CLGN: variants seen among roughly 807,000 people sequenced by gnomAD.
The protein encoded by CLGN is testis tissue sperm-binding protein Li 79P.
A neutral mutation model predicts 79.1 loss-of-function variants in CLGN; 62 were observed. The observed-to-expected ratio is 0.78, with a 90% CI of 0.64 to 0.97. CLGN has a LOEUF of 0.97. Among genes scored for constraint, CLGN ranks in the 50% least tolerant of loss-of-function variants. The pLI, the probability that CLGN is intolerant of heterozygous loss-of-function variation, is 0.00. For missense variants in CLGN, 647 were observed against 715.5 expected, an observed-to-expected ratio of 0.90 and a Z score of 1.09; for synonymous variants, 225 against 224.7, an observed-to-expected ratio of 1.00 and a Z score of -0.01.
intron 8 of CLGN, among the ~76,000 whole-genome samples, chr4:140,398,001 G>A (rs2126618201): frequency 6.6e-6 from 1 of 152,252 alleles, no homozygotes; most frequent in South Asian, 2.1e-4. Context: ...ATTACAGAAA[G>A]ATAGAAATTT....
chr4:140,391,334 A>G (rs1728767788), intron 13 of CLGN, among the ~76,000 whole-genome samples: 1 of 151,818 alleles, frequency 6.6e-6, no homozygotes, highest in African/African-American at 2.4e-5. Context: ...GTACCTTTAT[A>G]CAAGCAGGCC....
rs1196108025 is a variant in CLGN, at chr4:140,388,654, C to G, written c.*570G>C. 1 of 151,796 alleles carries G rather than the reference C, an allele frequency of 6.6e-6. No individual in the cohort carries two copies. The highest frequency in any genetic ancestry group is 1.5e-5 in the Non-Finnish European group (1 of 67,802). 9.4% of individuals were successfully genotyped at this position (151,796 alleles called of 1,614,324 possible). On this transcript the variant is annotated 3_prime_UTR_variant, in exon 15 of 15. Transcript: ENST00000325617. The stretch of plus-strand genomic sequence containing the variant: ...CAATATAATCCAGTGATTTTATGAA[C>G]AAGGCATGTCCTTAAAGGAATCTAT...
chr4:140,409,291 C>T (rs1410489990), intron 4 of CLGN, among the ~76,000 whole-genome samples: 1 of 151,914 alleles, frequency 6.6e-6, no homozygotes, highest in African/African-American at 2.4e-5. Flanking sequence ...CTAGGGTAGT[C>T]CTATTAGGGA....
In CLGN at chr4:140,401,906, A is replaced by G. The variant is rs1442265619; in HGVS notation, c.501+79T>C. On this transcript the variant is annotated intron_variant, in intron 6 of 14. Transcript: ENST00000325617. Reference sequence around the variant, plus strand: ...TCTTTTCAATTTCAGTTGAAGACAAAATATTCAGTTTTATCATTTGTTCCT... The same window carrying G: ...TCTTTTCAATTTCAGTTGAAGACAAGATATTCAGTTTTATCATTTGTTCCT... 6 of 775,852 alleles carry G rather than the reference A, an allele frequency of 7.7e-6. No individual in the cohort carries two copies. In the East Asian group the frequency reaches 1.8e-4, roughly 24 times the overall value. 48.1% of individuals were successfully genotyped at this position (775,852 alleles called of 1,614,324 possible). A position where few individuals can be genotyped will look rare whatever the true frequency, so the allele number is the denominator to read the frequency against.
At position 140,392,387 on chromosome 4, in the gene CLGN, G is replaced by A. The variant is rs1271002923; in HGVS notation, c.1492-9C>T. 6.3e-7 allele frequency: 1 copy of A among 1,576,290 alleles called. No homozygotes were observed. The highest frequency in any genetic ancestry group is 8.6e-7 in the Non-Finnish European group (1 of 1,167,068). Reference sequence around the variant, plus strand: ...GTATCTTTATGTTTTTTCTGTGGTAGTTAACATAAGTTATTTTTACTAAAG... The same window carrying A: ...GTATCTTTATGTTTTTTCTGTGGTAATTAACATAAGTTATTTTTACTAAAG... On this transcript the variant is annotated splice_polypyrimidine_tract_variant and intron_variant, in intron 12 of 14. Transcript: ENST00000325617.
intron 7 of CLGN, 86 bp downstream of exon 7, chr4:140,400,271 A>G (rs2252427): frequency 0.83 from 768,372 of 927,090 alleles, 319,573 homozygotes; most frequent in African/African-American, 0.85. Context: ...TGGGGTACAC[A>G]TTTGTTTTCT....
chr4:140,389,688 A>G (rs1463930176), intron 14 of CLGN, among the ~76,000 whole-genome samples: 1 of 151,838 alleles, frequency 6.6e-6, no homozygotes, highest in Non-Finnish European at 1.5e-5. Flanking sequence ...CTCTTCACCT[A>G]GCTCTCCCTA....
rs761726134 is a variant in CLGN at position 140,400,340 on chromosome 4, G to A, written c.694+17C>T. ...AGCAAATATTTTTGAATACATGAAT[G>A]AATTAAAAGGGTATACCAAGGGTAT... On this transcript the variant is annotated intron_variant, in intron 7 of 14. Transcript: ENST00000325617. The A allele has an allele frequency of 3.9e-6, 6 of 1,540,640 alleles. No homozygotes were observed. In the African/African-American group the frequency reaches 7.0e-5, roughly 18 times the overall value.
chr4:140,400,249 G>C (rs991937510), intron 7 of CLGN, 108 bp downstream of exon 7: 1 of 718,896 alleles, frequency 1.4e-6, no homozygotes, highest in Non-Finnish European at 2.3e-6. Flanking sequence ...AAAAAGATAA[G>C]CTCCTTCAGG....
chr4:140,409,279 C>T (rs908275077), intron 4 of CLGN, among the ~76,000 whole-genome samples: 1 of 152,000 alleles, frequency 6.6e-6, no homozygotes, highest in Non-Finnish European at 1.5e-5. Flanking sequence ...TTTGGTCATA[C>T]TCTAGGGTAG....
At chr4:140,419,119 C>T (rs986817104) in intron 1 of CLGN, among the ~76,000 whole-genome samples, 11 of 151,682 alleles carry the variant, frequency 7.3e-5, no homozygotes, top group African/African-American at 2.7e-4. Context: ...AACCAAACAC[C>T]GCATATTCTC....
Position 140,392,229 on chromosome 4 carries a change from C to T in CLGN, c.1641G>A (p.Met547Ile). The stretch of plus-strand genomic sequence containing the variant: ...CTCTCATCATCTTACCTTTTTCAAG[C>T]ATTTCACCATCATTTTGCTTTTTTT... ...EEEKKQNDGE[M>I]LEKEEESEPE... Residue 547 changes from methionine (M) to isoleucine (I), a missense_variant, in exon 13 of 15, where the codon ATG becomes ATA. Transcript: ENST00000325617. The T allele has an allele frequency of 1.9e-6, 3 of 1,612,082 alleles. No individual in the cohort carries two copies. Among genetic ancestry groups the T allele is most frequent in the Middle Eastern group, 1.7e-4 (1 of 6,056 alleles).
intron 8 of CLGN, among the ~76,000 whole-genome samples, chr4:140,398,384 C>T (rs1728934045): frequency 6.6e-6 from 1 of 151,126 alleles, no homozygotes; most frequent in Non-Finnish European, 1.5e-5. Flanking sequence ...ATTCTCCTGC[C>T]TCAGCCTCCC....
intron 1 of CLGN, among the ~76,000 whole-genome samples, chr4:140,421,755 ATT>A (rs1729474431): frequency 6.6e-6 from 1 of 151,754 alleles, no homozygotes; most frequent in Admixed American, 6.6e-5. Context: ...TAGGTTTTTC[ATT>A]TTGTTGTGTT....
At chr4:140,397,523 T>C (rs1340068445) in intron 8 of CLGN, among the ~76,000 whole-genome samples, 2 of 152,132 alleles carry the variant, frequency 1.3e-5, no homozygotes, top group African/African-American at 2.4e-5. Context: ...TAAAGGATTC[T>C]TGGATTTTAT....
rs115073849 is a variant in CLGN, at chr4:140,420,096, T to C, written c.-9-7009A>G. 7.0e-3 allele frequency among the ~76,000 whole-genome samples: 1,064 copies of C among 152,198 alleles called. 13 individuals carry two copies. Among genetic ancestry groups the C allele is most frequent in the African/African-American group, 0.024 (992 of 41,540 alleles). ...CCATATCCTCTCTTTCAAATGAATGTACACTTTAGGTTCCAAACAATTAAT... is the reference window on the plus strand; with the variant it reads ...CCATATCCTCTCTTTCAAATGAATGCACACTTTAGGTTCCAAACAATTAAT... On this transcript the variant is annotated intron_variant, in intron 1 of 14. Transcript: ENST00000325617.
chr4:140,394,063 A>C, intron 10 of CLGN, 22 bp from the exon 11 acceptor site: 1 of 1,526,322 alleles, frequency 6.6e-7, no homozygotes, highest in Non-Finnish European at 9.0e-7. Context: ...GTAATTGAAG[A>C]CATTTTCAAA....
Position 140,406,092 on chromosome 4 carries a change from TAAAGC to T in CLGN, c.278-14_278-10del, listed in dbSNP as rs1729101894. 6.2e-7 allele frequency: 1 copy of T among 1,610,892 alleles called. No individual in the cohort carries two copies. The highest frequency in any genetic ancestry group is 1.3e-5 in the African/African-American group (1 of 74,794). On this transcript the variant is annotated splice_polypyrimidine_tract_variant and intron_variant, in intron 4 of 14. Coordinates refer to ENST00000325617, the MANE Select transcript of CLGN (RefSeq NM_004362.3). ...TTCAATTTCCCATCTTCCTAAAAAA[TAAAGC>T]AAAGCAAATTAAACTAAAACAGAAA...
At position 140,424,337 on chromosome 4, in the gene CLGN, G is replaced by A. The variant is rs138446252; in HGVS notation, c.-10+3200C>T. 8.2e-4 allele frequency among the ~76,000 whole-genome samples: 124 copies of A among 152,024 alleles called. 2 individuals carry two copies. In the East Asian group the frequency reaches 0.023, roughly 28 times the overall value. On this transcript the variant is annotated intron_variant, in intron 1 of 14. Transcript: ENST00000325617. ...TTTTTCTTGTTTTCCTTCTACTATT[G>A]ATTTCTAGTTCCTTTCCTTTGTGTT...
Sources: allele counts gnomAD v4.1 joint callset (sites outside exome capture counted in the v4.1 genomes callset), GRCh38; gene constraint gnomAD v4.1.1; transcripts MANE v1.5; gene names NCBI Gene and HGNC (gene_info 2026-07-23, HGNC 2026-07-21).